Variants in CABYR observed in about 807,000 individuals in gnomAD.
CABYR encodes calcium binding tyrosine phosphorylation regulated.
A neutral mutation model predicts 36.1 loss-of-function variants in CABYR; 31 were observed. The ratio of observed to expected loss-of-function variants is 0.86; its 90% CI spans 0.64 to 1.16. The LOEUF is 1.16. CABYR is among the 50% of genes most tolerant of loss of function. CABYR has a pLI of 0.00. For missense variants in CABYR, 429 were observed against 455.8 expected (o/e 0.94, Z 0.53); for synonymous variants, 146 against 160.7 (o/e 0.91, Z 0.69).
intron 3 of CABYR, 142 bp downstream of exon 3, chr18:24,143,555 A>G: frequency 3.3e-6 from 1 of 302,408 alleles, no homozygotes; most frequent in Non-Finnish European, 5.7e-6. Context: ...ATATATATAT[A>G]TATATTTTTA....
Position 24,159,613 on chromosome 18 carries a change from C to T in CABYR, c.683C>T (p.Pro228Leu). The part of the protein sequence containing the change: ...GPFPQATLYL[P>L]NPKDPQFQQH... The stretch of plus-strand genomic sequence containing the variant: ...TTTCCCCAAGCAACCCTCTATTTAC[C>T]TAATCCTAAGGATCCACAGTTTCAG... Residue 228 changes from proline to leucine, a missense_variant, in exon 5 of 6, where the codon CCT (proline) becomes CTT (leucine). Physicochemically the swap from Pro to Leu is moderately conservative, Grantham distance 98. Transcript: ENST00000399496. 1 of 1,614,078 alleles carries T rather than the reference C, an allele frequency of 6.2e-7. No homozygotes were observed. Among genetic ancestry groups the T allele is most frequent in the Non-Finnish European group, 8.5e-7 (1 of 1,180,022 alleles).
intron 4 of CABYR, among the ~76,000 whole-genome samples, chr18:24,157,596 G>C (rs1418853572): frequency 6.6e-6 from 1 of 152,114 alleles, no homozygotes; most frequent in Admixed American, 6.5e-5. Context: ...GAGCCGGGAG[G>C]TATCAGCAGC....
chr18:24,149,150 T>C (rs924633201), intron 3 of CABYR, among the ~76,000 whole-genome samples: 22 of 151,012 alleles, frequency 1.5e-4, no homozygotes. Flanking sequence ...CCCACCAGAG[T>C]AGCTAGATAC....
intron 4 of CABYR, among the ~76,000 whole-genome samples, chr18:24,157,840 C>G (rs73406179): frequency 0.013 from 1,976 of 152,256 alleles, 57 homozygotes; most frequent in African/African-American, 0.045. Context: ...TGCAGGGGCC[C>G]TTCTCTTTTT....
intron 1 of CABYR, chr18:24,139,840 C>T (rs2085259355): frequency 6.6e-6 from 1 of 152,108 alleles, no homozygotes; most frequent in South Asian, 2.1e-4. Flanking sequence ...TGCATGGCCG[C>T]TGTCCCCACC....
intron 3 of CABYR, among the ~76,000 whole-genome samples, chr18:24,153,174 T>G (rs1375101184): frequency 6.6e-6 from 1 of 152,106 alleles, no homozygotes; most frequent in Non-Finnish European, 1.5e-5. Flanking sequence ...TTGGGCTGGT[T>G]AGCAGTACAG....
intron 3 of CABYR, among the ~76,000 whole-genome samples, 153 bp downstream of exon 3, chr18:24,143,566 G>C (rs918071221): frequency 1.3e-5 from 2 of 151,632 alleles, no homozygotes; most frequent in Admixed American, 6.6e-5. Context: ...TATATTTTTA[G>C]AGACATGCTC....
chr18:24,157,489 GT>G (rs944029187), intron 4 of CABYR, among the ~76,000 whole-genome samples: 3 of 152,178 alleles, frequency 2.0e-5, no homozygotes, highest in African/African-American at 7.2e-5. Flanking sequence ...CTGTAACCAG[GT>G]TTGGGGTGCT....
Position 24,159,641 on chromosome 18 carries a change from G to T in CABYR, c.711G>T (p.Gln237His), listed in dbSNP as rs1178602290. 3 of 1,613,940 alleles carry T rather than the reference G, an allele frequency of 1.9e-6. No individual in the cohort carries two copies. The Admixed American group carries it at 5.0e-5, about 27-fold the overall frequency. ...ATCCTAAGGATCCACAGTTTCAGCA[G>T]CATCCACCAAAAGTCACTTTTCCAA... ...LPNPKDPQFQQHPPKVTFPTY... is the reference protein window; with the variant it reads ...LPNPKDPQFQHHPPKVTFPTY... The change falls in exon 5 of 6, where the codon CAG becomes CAT. Residue 237 changes from glutamine (Q) to histidine (H), a missense_variant. By Grantham distance (24) the Gln-to-His change is conservative (BLOSUM62 0). Coordinates refer to ENST00000399496, the MANE Select transcript of CABYR (RefSeq NM_153769.3).
At position 24,159,753 on chromosome 18, in the gene CABYR, CCT is replaced by C; in HGVS notation, c.826_827del (p.Leu276SerfsTer27). 6.2e-7 allele frequency: 1 copy of C among 1,613,902 alleles called. No homozygotes were observed. The highest frequency in any genetic ancestry group is 2.2e-5 in the East Asian group (1 of 44,858). ...TGTTCAGGAAGCACAGGGATGGAAA[CCT>C]CTTCCTGGACATGCTGTCGTTTCAC... ...SNVQEAQGWKPLPGHAVVSQS... is the reference protein window; with the variant it reads ...SNVQEAQGWKXLPGHAVVSQS... On this transcript the variant is annotated frameshift_variant, in exon 5 of 6. Coordinates refer to ENST00000399496, the MANE Select transcript of CABYR (RefSeq NM_153769.3). LOFTEE classifies it high-confidence loss of function.
At chr18:24,156,884 A>G in intron 4 of CABYR, 1 of 1,614,176 alleles carries the variant, frequency 6.2e-7, no homozygotes, top group Non-Finnish European at 8.5e-7. Flanking sequence ...CAGTGCACTC[A>G]GGTACATCTG....
intron 1 of CABYR, among the ~76,000 whole-genome samples, chr18:24,142,318 CA>C (rs1406615833): frequency 8.6e-5 from 12 of 139,132 alleles, no homozygotes; most frequent in East Asian, 4.1e-4. Flanking sequence ...GACTCCATCT[CA>C]AAAAAAAAAG....
intron 4 of CABYR, 123 bp downstream of exon 4, chr18:24,156,165 G>C (rs771590463): frequency 6.2e-7 from 1 of 1,614,198 alleles, no homozygotes; most frequent in Non-Finnish European, 8.5e-7. Flanking sequence ...CATGGTGGCT[G>C]CTCCTCTTGT....
chr18:24,142,241 C>T (rs1036980506), intron 1 of CABYR, among the ~76,000 whole-genome samples: 7 of 151,978 alleles, frequency 4.6e-5, no homozygotes, highest in Non-Finnish European at 4.4e-5. Flanking sequence ...ATTGCTTGAA[C>T]CCAGGAAGGG....
chr18:24,156,376 A>G (rs1233024661), intron 4 of CABYR: 2 of 1,614,112 alleles, frequency 1.2e-6, no homozygotes, highest in African/African-American at 1.3e-5. Flanking sequence ...TCAACTGTTC[A>G]TATATCATCT....
intron 3 of CABYR, among the ~76,000 whole-genome samples, chr18:24,144,837 A>G (rs1019573304): frequency 7.9e-5 from 12 of 152,238 alleles, no homozygotes; most frequent in Admixed American, 6.5e-4. Context: ...CAAGATCAAG[A>G]ACTGCTATTG....
At chr18:24,152,079 C>T (rs528390652) in intron 3 of CABYR, among the ~76,000 whole-genome samples, 54 of 152,114 alleles carry the variant, frequency 3.5e-4, no homozygotes, top group Non-Finnish European at 6.8e-4. Flanking sequence ...ATATAACACA[C>T]ACATATAAAG....
chr18:24,150,786 T>G (rs1421643022), intron 3 of CABYR, among the ~76,000 whole-genome samples: 13 of 145,570 alleles, frequency 8.9e-5, no homozygotes, highest in Non-Finnish European at 1.2e-4. Context: ...GTTTTTTGTT[T>G]TTTTTTTTTT....
intron 1 of CABYR, 138 bp downstream of exon 1, chr18:24,139,256 C>T (rs2085239716): frequency 6.6e-6 from 1 of 152,098 alleles, no homozygotes; most frequent in Non-Finnish European, 1.5e-5. Flanking sequence ...GTGGGGCGGC[C>T]CCGGCCCACA....
Sources: gnomAD v4.1 joint callset for allele counts (sites outside exome capture counted in the v4.1 genomes callset) on GRCh38, gnomAD v4.1.1 for gene constraint, MANE v1.5 for transcripts, NCBI Gene and HGNC (gene_info 2026-07-23, HGNC 2026-07-21) for gene names.